The following RCAN2 variants were observed in gnomAD, a reference collection of about 807,000 sequenced individuals.
RCAN2 encodes regulator of calcineurin 2, also known as calcipressin-2.
Under a neutral mutation model 23.6 loss-of-function variants are expected in RCAN2, and 9 were observed. The ratio of observed to expected loss-of-function variants is 0.38; its 90% CI spans 0.23 to 0.67. The LOEUF (loss-of-function observed/expected upper bound fraction) is 0.67. Among genes scored for constraint, RCAN2 ranks in the 30% least tolerant of loss-of-function variants. RCAN2 has a pLI of 0.51. For missense variants in RCAN2, 273 were observed against 302.3 expected, an observed-to-expected ratio of 0.90 and a Z score of 0.72; for synonymous variants, 109 against 115.7, an observed-to-expected ratio of 0.94 and a Z score of 0.37.
intron 2 of RCAN2, among the ~76,000 whole-genome samples, chr6:46,364,189 T>C (rs990217714): frequency 4.6e-5 from 7 of 152,010 alleles, no homozygotes; most frequent in African/African-American, 1.7e-4. Flanking sequence ...GTCCCATAAA[T>C]CTCTTTATGT....
intron 2 of RCAN2, among the ~76,000 whole-genome samples, chr6:46,271,503 G>A (rs1430037312): frequency 5.9e-5 from 9 of 152,110 alleles, no homozygotes; most frequent in African/African-American, 2.2e-4. Context: ...TCTGAGCACC[G>A]TGGCACTGCC....
At chr6:46,242,342 C>G (rs1174977776) in intron 4 of RCAN2, among the ~76,000 whole-genome samples, 1 of 152,184 alleles carries the variant, frequency 6.6e-6, no homozygotes, top group Non-Finnish European at 1.5e-5. Context: ...CCCACTGTTT[C>G]ATTTGTTCTC....
At chr6:46,301,664 G>A (rs915337861) in intron 2 of RCAN2, among the ~76,000 whole-genome samples, 9 of 152,082 alleles carry the variant, frequency 5.9e-5, no homozygotes, top group Admixed American at 2.6e-4. Flanking sequence ...TATAACAATG[G>A]TGAAGTGATG....
At chr6:46,458,499 C>A (rs1453979592) in intron 1 of RCAN2, among the ~76,000 whole-genome samples, 2 of 151,984 alleles carry the variant, frequency 1.3e-5, no homozygotes, top group Non-Finnish European at 2.9e-5. Context: ...GTAAAAATTT[C>A]TATATAAAAT....
chr6:46,241,856 A>G (rs1238756061), intron 4 of RCAN2, among the ~76,000 whole-genome samples: 1 of 152,220 alleles, frequency 6.6e-6, no homozygotes, highest in Non-Finnish European at 1.5e-5. Context: ...AGGTATTTAG[A>G]ACAGTGCCTG....
chr6:46,395,004 A>T (rs1766048388), intron 2 of RCAN2, among the ~76,000 whole-genome samples: 1 of 152,142 alleles, frequency 6.6e-6, no homozygotes, highest in Non-Finnish European at 1.5e-5. Flanking sequence ...TAGCAACTAG[A>T]AGGAAGAGTT....
At chr6:46,329,112 G>A (rs189033643) in intron 2 of RCAN2, among the ~76,000 whole-genome samples, 92 of 152,154 alleles carry the variant, frequency 6.0e-4, no homozygotes, top group Non-Finnish European at 9.7e-4. Flanking sequence ...AAAAAAGAAA[G>A]AAACAAAGGA....
At chr6:46,388,610 A>T (rs1280775436) in intron 2 of RCAN2, among the ~76,000 whole-genome samples, 1 of 152,204 alleles carries the variant, frequency 6.6e-6, no homozygotes, top group Non-Finnish European at 1.5e-5. Context: ...ACAGAATACT[A>T]TGCAGCCATT....
chr6:46,369,375 C>A (rs1765265141), intron 2 of RCAN2, among the ~76,000 whole-genome samples: 1 of 152,170 alleles, frequency 6.6e-6, no homozygotes, highest in Non-Finnish European at 1.5e-5. Context: ...GTAACATAGT[C>A]ATTTATTAGC....
chr6:46,333,216 C>T (rs1021979269), intron 2 of RCAN2, among the ~76,000 whole-genome samples: 22 of 152,104 alleles, frequency 1.4e-4, no homozygotes, highest in African/African-American at 5.1e-4. Flanking sequence ...AGCCCTTTGT[C>T]AGATGAGTAA....
intron 2 of RCAN2, among the ~76,000 whole-genome samples, chr6:46,252,026 CTCTTT>C (rs1250896013): frequency 1.7e-5 from 1 of 58,896 alleles, no homozygotes; most frequent in African/African-American, 5.5e-5. Context: ...AGCATGTCCT[CTCTTT>C]TCAGGCCTTT....
intron 2 of RCAN2, among the ~76,000 whole-genome samples, chr6:46,384,786 GA>G (rs1407140390): frequency 7.2e-5 from 11 of 152,064 alleles, no homozygotes; most frequent in African/African-American, 2.7e-4. Flanking sequence ...GACTGCTTGG[GA>G]AGTGATACAA....
At chr6:46,425,292 C>T (rs1019832418) in intron 2 of RCAN2, among the ~76,000 whole-genome samples, 3 of 152,186 alleles carry the variant, frequency 2.0e-5, no homozygotes, top group Non-Finnish European at 4.4e-5. Context: ...TGCACAAAAG[C>T]TCATTCCATT....
chr6:46,403,903 G>C (rs892479028), intron 2 of RCAN2, among the ~76,000 whole-genome samples: 3 of 152,174 alleles, frequency 2.0e-5, no homozygotes, highest in Admixed American at 6.5e-5. Context: ...TGTGTCATAA[G>C]AGGTGGGGTG....
At chr6:46,476,977 G>A (rs147323637) in intron 1 of RCAN2, among the ~76,000 whole-genome samples, 1 of 152,246 alleles carries the variant, frequency 6.6e-6, no homozygotes, top group African/African-American at 2.4e-5. Context: ...AATCATACCT[G>A]AATGATGAAT....
intron 2 of RCAN2, among the ~76,000 whole-genome samples, chr6:46,266,085 T>C (rs1197683411): frequency 6.6e-6 from 1 of 152,188 alleles, no homozygotes; most frequent in Non-Finnish European, 1.5e-5. Flanking sequence ...CACAAGTCTC[T>C]AGACCTACTA....
intron 2 of RCAN2, among the ~76,000 whole-genome samples, chr6:46,302,942 C>T (rs913539543): frequency 2.6e-5 from 4 of 151,922 alleles, no homozygotes; most frequent in Non-Finnish European, 4.4e-5. Context: ...GGGTTTCAAA[C>T]CCAAGTGGGG....
chr6:46,271,488 A>G (rs1396180795), intron 2 of RCAN2, among the ~76,000 whole-genome samples: 1 of 152,194 alleles, frequency 6.6e-6, no homozygotes, highest in African/African-American at 2.4e-5. Context: ...ATGTTTGATC[A>G]AACATCTGAG....
At chr6:46,371,333 C>T (rs1202838939) in intron 2 of RCAN2, among the ~76,000 whole-genome samples, 4 of 152,144 alleles carry the variant, frequency 2.6e-5, no homozygotes, top group Non-Finnish European at 5.9e-5. Flanking sequence ...TAAGTCACAT[C>T]CCTTAATATC....
Sources: gnomAD v4.1 joint callset for allele counts (sites outside exome capture counted in the v4.1 genomes callset) on GRCh38, gnomAD v4.1.1 for gene constraint, MANE v1.5 for transcripts, NCBI Gene and HGNC (gene_info 2026-07-23, HGNC 2026-07-21) for gene names.